The following ADK variants were observed in gnomAD, a reference collection of about 807,000 sequenced individuals.
ADK encodes N6,N6-dimethyladenosine kinase.
A neutral mutation model predicts 44.7 loss-of-function variants in ADK; 24 were observed. The ratio of observed to expected loss-of-function variants is 0.54; its 90% CI spans 0.39 to 0.76. The LOEUF is 0.76. Ranked by LOEUF, ADK falls within the 30% of genes least tolerant of loss-of-function variation. The pLI, the probability that ADK is intolerant of heterozygous loss-of-function variation, is 0.00. For synonymous variants in ADK, 128 were observed against 142.6 expected (o/e 0.90, Z 0.73); for missense variants, 321 against 425.1 (o/e 0.76, Z 2.15).
intron 1 of ADK, among the ~76,000 whole-genome samples, chr10:74,179,374 T>C (rs750871414): frequency 1.8e-4 from 27 of 152,064 alleles, no homozygotes; most frequent in Non-Finnish European, 3.2e-4. Flanking sequence ...CCAGGGTGCA[T>C]TCCTAGGAGG....
intron 9 of ADK, among the ~76,000 whole-genome samples, chr10:74,651,922 C>G (rs1854288112): frequency 6.6e-6 from 1 of 152,024 alleles, no homozygotes; most frequent in East Asian, 1.9e-4. Context: ...TGTATGATTA[C>G]ATTTATTTGA....
At chr10:74,655,522 A>G in intron 9 of ADK, 1 of 499,590 alleles carries the variant, frequency 2.0e-6, no homozygotes, top group Non-Finnish European at 4.1e-6. Flanking sequence ...TTTTTAAGGA[A>G]GAAAACAATG....
chr10:74,503,448 TA>T (rs1216861634), intron 6 of ADK, among the ~76,000 whole-genome samples: 1 of 152,202 alleles, frequency 6.6e-6, no homozygotes, highest in Non-Finnish European at 1.5e-5. Context: ...CTTGAGCTAC[TA>T]TTGTTTAGGA....
At chr10:74,557,771 G>T (rs996825084) in intron 7 of ADK, among the ~76,000 whole-genome samples, 2 of 152,134 alleles carry the variant, frequency 1.3e-5, no homozygotes, top group Admixed American at 6.5e-5. Flanking sequence ...AGGCAAAATT[G>T]TTAATCAATA....
At chr10:74,696,878 A>G (rs1856228364) in intron 10 of ADK, among the ~76,000 whole-genome samples, 1 of 152,166 alleles carries the variant, frequency 6.6e-6, no homozygotes. Flanking sequence ...TGGAGCTGCT[A>G]TGGCTTCAGG....
chr10:74,338,466 A>G (rs1374114461), intron 4 of ADK, among the ~76,000 whole-genome samples: 1 of 152,234 alleles, frequency 6.6e-6, no homozygotes, highest in Admixed American at 6.5e-5. Context: ...CTTGCTACAC[A>G]AATATTTACA....
intron 7 of ADK, among the ~76,000 whole-genome samples, chr10:74,540,463 AT>A (rs548308949): frequency 4.7e-5 from 7 of 149,852 alleles, no homozygotes; most frequent in Middle Eastern, 3.5e-3. Flanking sequence ...AATGCCTTTA[AT>A]TTTTTTTTTC....
intron 6 of ADK, among the ~76,000 whole-genome samples, chr10:74,484,978 G>C (rs887012411): frequency 6.6e-6 from 1 of 151,922 alleles, no homozygotes; most frequent in Admixed American, 6.6e-5. Context: ...TGATCTCGGG[G>C]TGTGGAAAAA....
chr10:74,185,105 A>G (rs942530891), intron 1 of ADK, among the ~76,000 whole-genome samples: 5 of 152,232 alleles, frequency 3.3e-5, no homozygotes, highest in African/African-American at 1.2e-4. Context: ...GAGGTGACAT[A>G]CCAAAAAATG....
At chr10:74,331,915 G>A (rs1180934142) in intron 4 of ADK, among the ~76,000 whole-genome samples, 1 of 152,156 alleles carries the variant, frequency 6.6e-6, no homozygotes, top group South Asian at 2.1e-4. Context: ...CTCAGTGTTT[G>A]CGATCTTGGC....
At chr10:74,380,844 T>C (rs1388807063) in intron 4 of ADK, among the ~76,000 whole-genome samples, 2 of 152,214 alleles carry the variant, frequency 1.3e-5, no homozygotes, top group African/African-American at 4.8e-5. Flanking sequence ...ATAGTCATAC[T>C]ACCTGTCAGG....
At chr10:74,304,056 T>C (rs1008358324) in intron 3 of ADK, among the ~76,000 whole-genome samples, 1 of 152,220 alleles carries the variant, frequency 6.6e-6, no homozygotes, top group African/African-American at 2.4e-5. Context: ...CTTTTGAATT[T>C]ACATTGTTAT....
chr10:74,343,704 G>A (rs1841663915), intron 4 of ADK, among the ~76,000 whole-genome samples: 2 of 152,296 alleles, frequency 1.3e-5, no homozygotes, highest in East Asian at 1.9e-4. Flanking sequence ...TGCCTCCCAG[G>A]TTCAAGCAAT....
chr10:74,476,468 C>T (rs934407780), intron 6 of ADK, among the ~76,000 whole-genome samples: 10 of 150,312 alleles, frequency 6.7e-5, no homozygotes, highest in Admixed American at 5.3e-4. Context: ...CTCCAGCCTG[C>T]GTAACAAGAG....
intron 3 of ADK, among the ~76,000 whole-genome samples, chr10:74,275,424 C>A (rs1322672795): frequency 6.6e-6 from 1 of 151,992 alleles, no homozygotes; most frequent in Non-Finnish European, 1.5e-5. Flanking sequence ...AAAATAGATG[C>A]CCCTTTATTA....
At chr10:74,247,224 G>GTTTTTTTTTTTTTTTTTTTTTTTTTTTT (rs142274121) in intron 3 of ADK, among the ~76,000 whole-genome samples, 7 of 72,004 alleles carry the variant, frequency 9.7e-5, no homozygotes, top group Non-Finnish European at 1.4e-4. Context: ...TTTTTTTTAA[G>GTTTTTTTTTTTTTTTTTTTTTTTTTTTT]TTTTTTTTTT....
At chr10:74,204,567 TG>T (rs1305432829) in intron 2 of ADK, among the ~76,000 whole-genome samples, 1 of 152,188 alleles carries the variant, frequency 6.6e-6, no homozygotes, top group African/African-American at 2.4e-5. Flanking sequence ...GGAAATGTGC[TG>T]GGGGTCTAGG....
At chr10:74,454,940 A>C (rs1464014673) in intron 6 of ADK, among the ~76,000 whole-genome samples, 2 of 152,156 alleles carry the variant, frequency 1.3e-5, no homozygotes, top group African/African-American at 4.8e-5. Flanking sequence ...GAAAGGTCAA[A>C]AAACAGTTAC....
At chr10:74,328,475 T>C (rs967673234) in intron 4 of ADK, among the ~76,000 whole-genome samples, 1 of 152,096 alleles carries the variant, frequency 6.6e-6, no homozygotes, top group Non-Finnish European at 1.5e-5. Context: ...TCCCTTACTG[T>C]CTGATATGGT....
Sources: gnomAD v4.1 joint callset for allele counts (sites outside exome capture counted in the v4.1 genomes callset) on GRCh38, gnomAD v4.1.1 for gene constraint, MANE v1.5 for transcripts, NCBI Gene and HGNC (gene_info 2026-07-23, HGNC 2026-07-21) for gene names.